The following COL14A1 variants were observed in gnomAD, a reference collection of about 807,000 sequenced individuals.
COL14A1 encodes collagen alpha-1(XIV) chain.
Under a neutral mutation model 230.3 loss-of-function variants are expected in COL14A1, and 136 were observed. The observed-to-expected ratio is 0.59, with a 90% CI of 0.51 to 0.68. The LOEUF (loss-of-function observed/expected upper bound fraction) is 0.68, where lower values mean the gene tolerates loss of function less well. COL14A1 is among the 30% of genes least tolerant of loss of function. The pLI, the probability that COL14A1 is intolerant of heterozygous loss-of-function variation, is 0.00. For synonymous variants in COL14A1, 792 were observed against 784.1 expected (o/e 1.01, Z -0.17); for missense variants, 1,976 against 2,215.8 (o/e 0.89, Z 2.17).
At chr8:120,190,487 TA>T (rs1256617181) in intron 5 of COL14A1, among the ~76,000 whole-genome samples, 4 of 152,148 alleles carry the variant, frequency 2.6e-5, no homozygotes, top group African/African-American at 9.7e-5. Flanking sequence ...CTCTTTAGTT[TA>T]ATTAGATCCC....
At chr8:120,270,970 AC>A (rs1447839550) in intron 26 of COL14A1, among the ~76,000 whole-genome samples, 1 of 151,768 alleles carries the variant, frequency 6.6e-6, no homozygotes, top group African/African-American at 2.4e-5. Flanking sequence ...CATGATATTA[AC>A]CTAAATGCCC....
At chr8:120,244,785 G>C (rs1818713039) in intron 20 of COL14A1, among the ~76,000 whole-genome samples, 1 of 152,110 alleles carries the variant, frequency 6.6e-6, no homozygotes, top group Non-Finnish European at 1.5e-5. Flanking sequence ...AGGTCTTCCT[G>C]CTTCTACTCA....
At chr8:120,196,678 A>G in intron 5 of COL14A1, 113 bp from the exon 6 acceptor site, 4 of 1,048,894 alleles carry the variant, frequency 3.8e-6, no homozygotes, top group South Asian at 3.7e-5. Flanking sequence ...GGCTGCTCCT[A>G]CGGGAACTCT....
chr8:120,136,770 C>G (rs1033447297), intron 1 of COL14A1, among the ~76,000 whole-genome samples: 1 of 151,792 alleles, frequency 6.6e-6, no homozygotes, highest in African/African-American at 2.4e-5. Context: ...TCGAGACCAG[C>G]CTGGGCAACA....
chr8:120,370,565 C>A, intron 47 of COL14A1: 1 of 1,458,664 alleles, frequency 6.9e-7, no homozygotes, highest in Admixed American at 2.6e-5. Context: ...GTGATAACAT[C>A]GGAACTTAAC....
chr8:120,283,649 G>A lies in COL14A1; in HGVS notation c.3838G>A (p.Glu1280Lys). The change falls in exon 32 of 48, where the codon GAA becomes AAA. Residue 1280 changes from glutamate (E) to lysine (K), a missense_variant. Glu to Lys is a moderately conservative substitution (Grantham distance 56). Transcript: ENST00000297848. ...VSQPTRYLHP[E>K]GLPSDYTISF... The stretch of plus-strand genomic sequence containing the variant: ...TTCTATGTTCAGGTACTTGCACCCA[G>A]AAGGATTGCCCTCCGACTACACAAT... 1.2e-6 allele frequency: 2 copies of A among 1,610,610 alleles called. No homozygotes were observed. The highest frequency in any genetic ancestry group is 1.7e-4 in the Middle Eastern group (1 of 6,044).
chr8:120,138,758 A>T (rs955575005), intron 1 of COL14A1, among the ~76,000 whole-genome samples: 1 of 152,212 alleles, frequency 6.6e-6, no homozygotes, highest in South Asian at 2.1e-4. Context: ...TTCAATAGTG[A>T]GAAGAAATGA....
intron 5 of COL14A1, among the ~76,000 whole-genome samples, chr8:120,178,623 C>T (rs1816363153): frequency 1.3e-5 from 2 of 152,156 alleles, no homozygotes; most frequent in South Asian, 4.1e-4. Context: ...AATGGTATTT[C>T]TAGTTCTAGA....
intron 45 of COL14A1, among the ~76,000 whole-genome samples, chr8:120,347,694 C>G (rs1468321214): frequency 6.6e-6 from 1 of 152,158 alleles, no homozygotes; most frequent in Non-Finnish European, 1.5e-5. Context: ...TAAAAGGAAG[C>G]ATATGAAGAT....
At chr8:120,300,881 G>A in intron 36 of COL14A1, 63 bp downstream of exon 36, 1 of 1,284,596 alleles carries the variant, frequency 7.8e-7, no homozygotes, top group Non-Finnish European at 1.1e-6. Context: ...TCACTTGTGT[G>A]TCTAATATGT....
intron 19 of COL14A1, among the ~76,000 whole-genome samples, chr8:120,238,898 C>T (rs991901627): frequency 1.3e-5 from 2 of 152,152 alleles, no homozygotes; most frequent in African/African-American, 4.8e-5. Context: ...GATGAGGCGA[C>T]GTCCCACCCT....
At chr8:120,202,353 T>C (rs1380939594) in intron 8 of COL14A1, among the ~76,000 whole-genome samples, 1 of 152,186 alleles carries the variant, frequency 6.6e-6, no homozygotes, top group African/African-American at 2.4e-5. Context: ...TGTTGCTCAA[T>C]ATGTTGGGGT....
rs545949553 is a variant in COL14A1, at chr8:120,357,722, T to G, written c.5078-9449T>G. Among the ~76,000 whole-genome samples, 8 of 152,234 alleles carry G rather than the reference T, an allele frequency of 5.3e-5. No homozygotes were observed. In the South Asian group the frequency reaches 1.7e-3, roughly 32 times the overall value. ...GTATGACGTCTACAGTGCTGAATAA[T>G]GAAGGGCTCTTGTGAAGAGTTGGCT... On this transcript the variant is annotated intron_variant, in intron 45 of 47. Transcript: ENST00000297848.
At chr8:120,367,762 C>CGGTT (rs1823452605) in intron 46 of COL14A1, among the ~76,000 whole-genome samples, 1 of 150,644 alleles carries the variant, frequency 6.6e-6, no homozygotes. Flanking sequence ...GTGACGAAAC[C>CGGTT]CCATTTCTAC....
At chr8:120,142,269 G>T (rs1237001126) in intron 1 of COL14A1, among the ~76,000 whole-genome samples, 1 of 152,138 alleles carries the variant, frequency 6.6e-6, no homozygotes, top group African/African-American at 2.4e-5. Flanking sequence ...CAGATTTACT[G>T]AATGTTTTGA....
intron 19 of COL14A1, among the ~76,000 whole-genome samples, chr8:120,235,012 G>A (rs1453875857): frequency 3.9e-5 from 6 of 152,144 alleles, no homozygotes; most frequent in Admixed American, 1.3e-4. Context: ...GTCTTTTCAG[G>A]AATTCGACTT....
intron 40 of COL14A1, among the ~76,000 whole-genome samples, chr8:120,324,901 G>T (rs1405740418): frequency 6.6e-6 from 1 of 151,746 alleles, no homozygotes; most frequent in Non-Finnish European, 1.5e-5. Context: ...TTTTTTTAGA[G>T]ACCATAGGCA....
chr8:120,345,647 T>C, intron 45 of COL14A1, 84 bp downstream of exon 45: 1 of 1,173,158 alleles, frequency 8.5e-7, no homozygotes, highest in Non-Finnish European at 1.1e-6. Flanking sequence ...TATACAAGGA[T>C]AAAGTCTGAA....
intron 1 of COL14A1, among the ~76,000 whole-genome samples, chr8:120,136,533 A>G (rs1814712383): frequency 6.6e-6 from 1 of 152,104 alleles, no homozygotes; most frequent in South Asian, 2.1e-4. Flanking sequence ...AATAAGCTCT[A>G]CTTGGTCATC....
Sources: allele counts gnomAD v4.1 joint callset (sites outside exome capture counted in the v4.1 genomes callset), GRCh38; gene constraint gnomAD v4.1.1; transcripts MANE v1.5; gene names NCBI Gene and HGNC (gene_info 2026-07-23, HGNC 2026-07-21).